Variants in FLNB observed in about 807,000 individuals in gnomAD.
FLNB encodes the protein filamin-B.
Under a neutral mutation model 250.6 loss-of-function variants are expected in FLNB, and 111 were observed. The observed-to-expected ratio is 0.44, with a 90% CI of 0.38 to 0.52. The LOEUF (loss-of-function observed/expected upper bound fraction) is 0.52, where lower values mean the gene tolerates loss of function less well. Among genes scored for constraint, FLNB ranks in the 20% least tolerant of loss-of-function variants. The probability of loss-of-function intolerance (pLI) is 0.00; values close to 1 mark genes in which losing one functional copy is unlikely to be tolerated. For missense variants in FLNB, 2,869 were observed against 3,447.8 expected, an observed-to-expected ratio of 0.83 and a Z score of 4.20; for synonymous variants, 1,302 against 1,372.1, an observed-to-expected ratio of 0.95 and a Z score of 1.13.
chr3:58,037,334 G>A (rs1371779972), intron 1 of FLNB, among the ~76,000 whole-genome samples: 1 of 152,146 alleles, frequency 6.6e-6, no homozygotes, highest in African/African-American at 2.4e-5. Context: ...CAAAGTGCTA[G>A]GATTATAGGC....
In FLNB at chr3:58,008,627, G is replaced by A. The variant is rs539469179; in HGVS notation, c.63G>A (p.Thr21=). The part of the protein sequence containing the change: ...DAPWKKIQQN[T]FTRWCNEHLK... ...CTTGGAAGAAGATCCAGCAGAACACGTTCACACGCTGGTGCAACGAGCACC... is the reference window on the plus strand; with the variant it reads ...CTTGGAAGAAGATCCAGCAGAACACATTCACACGCTGGTGCAACGAGCACC... The change falls in exon 1 of 46, where the codon ACG becomes ACA. Residue 21 remains threonine (T), a synonymous_variant. Coordinates refer to ENST00000295956, the MANE Select transcript of FLNB (RefSeq NM_001457.4). 8 of 1,613,824 alleles carry A rather than the reference G, an allele frequency of 5.0e-6. No individual in the cohort carries two copies. The Admixed American group carries it at 1.2e-4, about 24-fold the overall frequency.
At position 58,149,837 on chromosome 3, in the gene FLNB, T is replaced by C. The variant is rs1166445701; in HGVS notation, c.6092-13T>C. The C allele has an allele frequency of 6.2e-6, 10 of 1,614,254 alleles. No homozygotes were observed. The highest frequency in any genetic ancestry group is 2.2e-5 in the East Asian group (1 of 44,894). On this transcript the variant is annotated splice_polypyrimidine_tract_variant and intron_variant, in intron 36 of 45. Transcript: ENST00000295956. ...AGCTGCTGTCAGAACAGCCTGGGGC[T>C]GCTGTGTTGCAGGTTATGGTGGCAT...
intron 33 of FLNB, among the ~76,000 whole-genome samples, chr3:58,146,375 GGCTCTTTTTGATAAA>G: frequency 6.6e-6 from 1 of 152,272 alleles, no homozygotes; most frequent in African/African-American, 2.4e-5. Context: ...CTTACTGAGT[GGCTCTTTTTGATAAA>G]GCTGTGTGCC....
chr3:58,025,463 C>T (rs954571602), intron 1 of FLNB, among the ~76,000 whole-genome samples: 1 of 152,028 alleles, frequency 6.6e-6, no homozygotes, highest in Non-Finnish European at 1.5e-5. Context: ...CCTGGTTTTG[C>T]CTGTCCCAGA....
chr3:58,099,542 CTGTTT>C (rs575161175), intron 8 of FLNB, among the ~76,000 whole-genome samples: 75 of 152,104 alleles, frequency 4.9e-4, no homozygotes, highest in African/African-American at 1.5e-3. Flanking sequence ...CCCTTTTTTT[CTGTTT>C]TGTTTTGTTT....
At chr3:58,093,972 G>C (rs2097233145) in intron 4 of FLNB, among the ~76,000 whole-genome samples, 1 of 152,148 alleles carries the variant, frequency 6.6e-6, no homozygotes, top group Non-Finnish European at 1.5e-5. Flanking sequence ...GGAGAGTGTG[G>C]GTGTGGTTAT....
At chr3:58,019,416 T>C (rs1263430780) in intron 1 of FLNB, among the ~76,000 whole-genome samples, 2 of 152,184 alleles carry the variant, frequency 1.3e-5, no homozygotes, top group Non-Finnish European at 2.9e-5. Context: ...CTGTCTTCAC[T>C]TTGGCTCAAG....
chr3:58,015,279 A>C (rs902809462), intron 1 of FLNB, among the ~76,000 whole-genome samples: 5 of 152,222 alleles, frequency 3.3e-5, no homozygotes, highest in Non-Finnish European at 1.5e-5. Context: ...GTTATAGCAC[A>C]GTGTTGTCAT....
intron 29 of FLNB, among the ~76,000 whole-genome samples, chr3:58,139,911 A>C (rs2097323683): frequency 6.6e-6 from 1 of 152,172 alleles, no homozygotes; most frequent in South Asian, 2.1e-4. Flanking sequence ...GTCAGAGTAA[A>C]AAAATTGAGG....
chr3:58,013,260 CT>C (rs2097101499), intron 1 of FLNB, among the ~76,000 whole-genome samples: 1 of 152,256 alleles, frequency 6.6e-6, no homozygotes, highest in East Asian at 1.9e-4. Flanking sequence ...GAATTGTTTC[CT>C]TTTCAGAGGA....
intron 1 of FLNB, among the ~76,000 whole-genome samples, chr3:58,048,485 T>C (rs1437621933): frequency 1.3e-5 from 2 of 152,206 alleles, no homozygotes; most frequent in African/African-American, 4.8e-5. Context: ...TGAATATTTT[T>C]GGCTAGGGCA....
intron 1 of FLNB, among the ~76,000 whole-genome samples, chr3:58,061,839 C>G (rs982451522): frequency 6.6e-6 from 1 of 151,782 alleles, no homozygotes; most frequent in Non-Finnish European, 1.5e-5. Flanking sequence ...TGCCTGTAAT[C>G]CCAGCACTTT....
At chr3:58,135,757 G>C (rs1373141117) in intron 27 of FLNB, among the ~76,000 whole-genome samples, 1 of 152,150 alleles carries the variant, frequency 6.6e-6, no homozygotes, top group African/African-American at 2.4e-5. Context: ...TGGTTCACCT[G>C]ACAACAAAAT....
chr3:58,155,921 C>T (rs1236938536), intron 40 of FLNB, 39 bp from the exon 41 acceptor site: 1 of 1,434,270 alleles, frequency 7.0e-7, no homozygotes, highest in African/African-American at 1.4e-5. Flanking sequence ...ACTCTGGGTC[C>T]AGAGTCTCTG....
intron 41 of FLNB, among the ~76,000 whole-genome samples, chr3:58,156,684 C>T (rs181928889): frequency 2.0e-5 from 3 of 152,050 alleles, no homozygotes; most frequent in African/African-American, 7.2e-5. Context: ...GGCTCCAGAA[C>T]CTGTATTTTT....
chr3:58,031,311 C>G (rs1357817320), intron 1 of FLNB, among the ~76,000 whole-genome samples: 1 of 151,930 alleles, frequency 6.6e-6, no homozygotes, highest in Non-Finnish European at 1.5e-5. Context: ...GTTGCGATCT[C>G]GGCTCACTGC....
chr3:58,081,807 A>T (rs2097209576), intron 4 of FLNB, 31 bp downstream of exon 4: 1 of 1,612,580 alleles, frequency 6.2e-7, no homozygotes, highest in East Asian at 2.2e-5. Context: ...GTTGTATTGG[A>T]GACATGTCCT....
At chr3:58,069,998 C>T (rs2097191653) in intron 1 of FLNB, among the ~76,000 whole-genome samples, 1 of 150,598 alleles carries the variant, frequency 6.6e-6, no homozygotes, top group South Asian at 2.1e-4. Flanking sequence ...AGGGAGGGAA[C>T]ATTATTAAGC....
chr3:58,152,401 A>C (rs1182871777), intron 38 of FLNB, among the ~76,000 whole-genome samples: 1 of 152,242 alleles, frequency 6.6e-6, no homozygotes, highest in Non-Finnish European at 1.5e-5. Flanking sequence ...ATCAGGTGCC[A>C]GCATGGCCAG....
Sources: allele counts gnomAD v4.1 joint callset (sites outside exome capture counted in the v4.1 genomes callset), GRCh38; gene constraint gnomAD v4.1.1; transcripts MANE v1.5; gene names NCBI Gene and HGNC (gene_info 2026-07-23, HGNC 2026-07-21).